The following CDC14A variants were observed in gnomAD, a reference collection of about 807,000 sequenced individuals.
CDC14A encodes the protein dual specificity protein phosphatase CDC14A.
CDC14A carries 53 observed loss-of-function variants against 74.4 expected under a neutral mutation model. The observed-to-expected ratio is 0.71, with a 90% CI of 0.57 to 0.89. The LOEUF (loss-of-function observed/expected upper bound fraction) is 0.89. CDC14A is among the 40% of genes least tolerant of loss of function. The pLI, the probability that CDC14A is intolerant of heterozygous loss-of-function variation, is 0.00. For missense variants in CDC14A, 646 were observed against 713.7 expected, an observed-to-expected ratio of 0.91 and a Z score of 1.08; for synonymous variants, 247 against 258.4, an observed-to-expected ratio of 0.96 and a Z score of 0.43.
intron 4 of CDC14A, among the ~76,000 whole-genome samples, chr1:100,417,103 C>T (rs1308791646): frequency 2.0e-5 from 3 of 152,114 alleles, no homozygotes; most frequent in Non-Finnish European, 2.9e-5. Flanking sequence ...AACTGGTATA[C>T]GAATTTGAAG....
chr1:100,353,892 G>T, intron 2 of CDC14A, 40 bp downstream of exon 2: 1 of 1,197,394 alleles, frequency 8.4e-7, no homozygotes. Context: ...TGGCCATTCA[G>T]CTTGTTCTTT....
intron 4 of CDC14A, among the ~76,000 whole-genome samples, chr1:100,422,354 G>T (rs1006910193): frequency 1.3e-5 from 2 of 152,172 alleles, no homozygotes; most frequent in Admixed American, 6.5e-5. Context: ...TTCAAAGGTT[G>T]TTGTCTAAGC....
chr1:100,439,493 A>G (rs1664695006), intron 5 of CDC14A, among the ~76,000 whole-genome samples: 1 of 152,218 alleles, frequency 6.6e-6, no homozygotes, highest in South Asian at 2.1e-4. Flanking sequence ...TAGTCATAAT[A>G]TTTATGAAGT....
intron 2 of CDC14A, among the ~76,000 whole-genome samples, chr1:100,369,599 T>C (rs1654150437): frequency 6.6e-6 from 1 of 152,238 alleles, no homozygotes; most frequent in African/African-American, 2.4e-5. Context: ...GTTCAACTGT[T>C]AAATTCCTAT....
At chr1:100,358,456 T>A (rs2100887013) in intron 2 of CDC14A, among the ~76,000 whole-genome samples, 1 of 152,348 alleles carries the variant, frequency 6.6e-6, no homozygotes, top group South Asian at 2.1e-4. Context: ...GGATAGTGTA[T>A]AGGGTCTTCA....
intron 15 of CDC14A, among the ~76,000 whole-genome samples, chr1:100,515,787 G>A (rs994272998): frequency 2.6e-5 from 4 of 152,202 alleles, no homozygotes; most frequent in African/African-American, 9.7e-5. Flanking sequence ...CCTTTTTACT[G>A]ATCTTTCATT....
rs1648382281 is a variant in CDC14A at position 100,499,204 on chromosome 1, G to A, written c.1697G>A (p.Arg566Gln). ...AKTEEHTTIL[R>Q]PSYTGLSSSS... ...ACAGAGGAGCACACCACCATCCTCC[G>A]ACCCTCCTACACCGGGCTTTCTTCT... Residue 566 changes from arginine (R) to glutamine (Q), a missense_variant, in exon 15 of 16, where the codon CGA becomes CAA. Transcript: ENST00000336454. 8 of 1,614,072 alleles carry A rather than the reference G, an allele frequency of 5.0e-6. No homozygotes were observed. The Admixed American group carries it at 6.7e-5, about 13-fold the overall frequency.
At chr1:100,441,756 C>T (rs1204418275) in intron 6 of CDC14A, among the ~76,000 whole-genome samples, 1 of 151,698 alleles carries the variant, frequency 6.6e-6, no homozygotes, top group Non-Finnish European at 1.5e-5. Flanking sequence ...CTAAGAATCA[C>T]CTGGGAAGCT....
Position 100,479,483 on chromosome 1 carries a change from C to T in CDC14A, c.978-4809C>T, listed in dbSNP as rs114283772. ...GTTATATTCACTCTGTGTGCCTTTG[C>T]ATACCTGTACCATTTCCTTTTATGG... On this transcript the variant is annotated intron_variant, in intron 10 of 15. Transcript: ENST00000336454. Among the ~76,000 whole-genome samples the T allele has an allele frequency of 5.1e-3, 771 of 152,284 alleles. 7 individuals carry two copies. The highest frequency in any genetic ancestry group is 0.018 in the African/African-American group (739 of 41,560).
intron 4 of CDC14A, among the ~76,000 whole-genome samples, chr1:100,411,415 A>G (rs1273967048): frequency 6.6e-6 from 1 of 152,028 alleles, no homozygotes; most frequent in African/African-American, 2.4e-5. Context: ...ATTGCTTTAA[A>G]AAGTTTTTTT....
At chr1:100,379,291 T>C (rs1655757434) in intron 3 of CDC14A, among the ~76,000 whole-genome samples, 1 of 152,210 alleles carries the variant, frequency 6.6e-6, no homozygotes, top group African/African-American at 2.4e-5. Flanking sequence ...TCTATTTGCT[T>C]TCATTTATAA....
At chr1:100,409,796 G>T (rs1176589053) in intron 4 of CDC14A, among the ~76,000 whole-genome samples, 2 of 152,184 alleles carry the variant, frequency 1.3e-5, no homozygotes, top group Non-Finnish European at 2.9e-5. Flanking sequence ...CCTGTTCAAA[G>T]AATGTAGGAA....
chr1:100,445,552 C>T (rs567466474), intron 7 of CDC14A, among the ~76,000 whole-genome samples: 5 of 152,130 alleles, frequency 3.3e-5, no homozygotes, highest in East Asian at 1.9e-4. Context: ...GGGTTGGAAG[C>T]GGTGAGAGAG....
chr1:100,381,411 T>A (rs1200555631), intron 3 of CDC14A, among the ~76,000 whole-genome samples: 1 of 152,218 alleles, frequency 6.6e-6, no homozygotes, highest in Non-Finnish European at 1.5e-5. Flanking sequence ...AGTAACTTCG[T>A]CTTAGGATTC....
chr1:100,353,999 G>A (rs1651524038), intron 2 of CDC14A, 147 bp downstream of exon 2: 1 of 639,112 alleles, frequency 1.6e-6, no homozygotes, highest in Non-Finnish European at 2.8e-6. Flanking sequence ...AGGTGCCTGG[G>A]GAGAAGTTCA....
intron 10 of CDC14A, among the ~76,000 whole-genome samples, chr1:100,475,295 A>T (rs1668777713): frequency 6.6e-6 from 1 of 151,814 alleles, no homozygotes; most frequent in African/African-American, 2.4e-5. Flanking sequence ...CTATTTTGTC[A>T]GTTGTTTCAT....
intron 2 of CDC14A, among the ~76,000 whole-genome samples, chr1:100,374,264 G>A (rs79230816): frequency 0.23 from 35,535 of 151,732 alleles, 5,567 homozygotes; most frequent in African/African-American, 0.45. Context: ...CGCAATAAAC[G>A]TACGTGTGCA....
intron 10 of CDC14A, among the ~76,000 whole-genome samples, chr1:100,479,976 G>A (rs1267633563): frequency 6.6e-6 from 1 of 152,066 alleles, no homozygotes; most frequent in Non-Finnish European, 1.5e-5. Flanking sequence ...TTAAATTAAT[G>A]TTTTATTATG....
chr1:100,487,571 A>AAAACAAAAC (rs370913867), intron 11 of CDC14A, among the ~76,000 whole-genome samples: 1 of 147,324 alleles, frequency 6.8e-6, no homozygotes, highest in African/African-American at 2.7e-5. Context: ...AAAACAAAAC[A>AAAACAAAAC]GAACAAAACA....
Sources: gnomAD v4.1 joint callset for allele counts (sites outside exome capture counted in the v4.1 genomes callset) on GRCh38, gnomAD v4.1.1 for gene constraint, MANE v1.5 for transcripts, NCBI Gene and HGNC (gene_info 2026-07-23, HGNC 2026-07-21) for gene names.